UNC13B: variants seen among roughly 807,000 people sequenced by gnomAD.
The protein encoded by UNC13B is unc-13 homolog B.
In UNC13B, 144 loss-of-function variants were observed where a neutral mutation model predicts 211.0. That is an observed-to-expected ratio of 0.68 (90% CI 0.60 to 0.78). The LOEUF (loss-of-function observed/expected upper bound fraction) is 0.78. Ranked by LOEUF, UNC13B falls within the 30% of genes least tolerant of loss-of-function variation. UNC13B has a pLI of 0.00. For synonymous variants in UNC13B, 709 were observed against 725.8 expected (o/e 0.98, Z 0.37); for missense variants, 1,777 against 2,002.0 (o/e 0.89, Z 2.14).
chr9:35,348,412 ACTC>A (rs1263702082), intron 11 of UNC13B, among the ~76,000 whole-genome samples: 2 of 152,138 alleles, frequency 1.3e-5, no homozygotes, highest in Admixed American at 6.5e-5. Context: ...TGAATGATTT[ACTC>A]CTCCTTCTCC....
At chr9:35,207,697 A>T (rs1188696983) in intron 1 of UNC13B, among the ~76,000 whole-genome samples, 2 of 152,024 alleles carry the variant, frequency 1.3e-5, no homozygotes, top group Non-Finnish European at 2.9e-5. Flanking sequence ...CCCATTTAAA[A>T]ATTGGATTAT....
In UNC13B at chr9:35,398,677, A is replaced by C. The variant is rs772620884; in HGVS notation, c.11921+35A>C. On this transcript the variant is annotated intron_variant, in intron 32 of 39. Coordinates refer to ENST00000635942, the MANE Select transcript of UNC13B (RefSeq NM_001371189.2). ...CCCACAATACAAGGCCCTCAGAGCC[A>C]GATGTGGTCCCTAGCCAATCCCAGA... The C allele has an allele frequency of 2.2e-5, 36 of 1,609,966 alleles. No individual in the cohort carries two copies. In the Admixed American group the frequency reaches 3.5e-4, roughly 16 times the overall value.
At chr9:35,277,880 T>C (rs909759768) in intron 7 of UNC13B, among the ~76,000 whole-genome samples, 2 of 151,622 alleles carry the variant, frequency 1.3e-5, no homozygotes, top group African/African-American at 4.9e-5. Flanking sequence ...CCTCAATGGG[T>C]ACACAGTAAT....
chr9:35,225,567 T>C (rs1463496850), intron 1 of UNC13B, among the ~76,000 whole-genome samples: 2 of 152,144 alleles, frequency 1.3e-5, no homozygotes, highest in East Asian at 3.9e-4. Context: ...TAGATGTATC[T>C]ATATTGTTGC....
Position 35,305,336 on chromosome 9 carries a change from G to A in UNC13B, c.5932G>A (p.Val1978Ile). The A allele has an allele frequency of 5.0e-6, 2 of 398,900 alleles. No individual in the cohort carries two copies. The highest frequency in any genetic ancestry group is 8.9e-6 in the Non-Finnish European group (2 of 225,982). 24.7% of individuals were successfully genotyped at this position (398,900 alleles called of 1,614,324 possible). Reference protein sequence around the residue: ...PPQEKKESSGVSNFWGTLGDF... With the variant: ...PPQEKKESSGISNFWGTLGDF... Reference sequence around the variant, plus strand: ...TCAAGAAAAGAAAGAATCTTCTGGTGTTTCAAATTTTTGGGGTACCCTTGG... The same window carrying A: ...TCAAGAAAAGAAAGAATCTTCTGGTATTTCAAATTTTTGGGGTACCCTTGG... The change falls in exon 9 of 40, where the codon GTT (valine) becomes ATT (isoleucine). Residue 1978 changes from valine (V) to isoleucine (I), a missense_variant. Transcript: ENST00000635942.
chr9:35,337,088 A>G (rs1831705549), intron 11 of UNC13B, among the ~76,000 whole-genome samples: 1 of 151,426 alleles, frequency 6.6e-6, no homozygotes, highest in South Asian at 2.1e-4. Context: ...GTAAAGAACT[A>G]GGACTTTTTT....
chr9:35,357,770 A>C (rs1833128063), intron 11 of UNC13B, among the ~76,000 whole-genome samples: 1 of 152,130 alleles, frequency 6.6e-6, no homozygotes, highest in Non-Finnish European at 1.5e-5. Flanking sequence ...ACATAACATA[A>C]AATGTGTTAT....
chr9:35,165,411 T>C (rs1033379862), intron 1 of UNC13B, among the ~76,000 whole-genome samples: 1 of 80,676 alleles, frequency 1.2e-5, no homozygotes, highest in Non-Finnish European at 2.6e-5. Flanking sequence ...TTGACTTGAA[T>C]TTTTTTTTTT....
intron 11 of UNC13B, chr9:35,352,700 G>A (rs577462372): frequency 5.7e-6 from 7 of 1,232,010 alleles, no homozygotes; most frequent in Non-Finnish European, 7.1e-6. Context: ...GCCCAAGCTA[G>A]GGGATGAAAT....
chr9:35,177,980 A>T (rs909726984), intron 1 of UNC13B, among the ~76,000 whole-genome samples: 4 of 152,180 alleles, frequency 2.6e-5, no homozygotes, highest in African/African-American at 9.7e-5. Context: ...TGGGGAGATG[A>T]TTTGGGTGTT....
intron 11 of UNC13B, among the ~76,000 whole-genome samples, chr9:35,343,133 T>C (rs1832119243): frequency 6.6e-6 from 1 of 152,260 alleles, no homozygotes; most frequent in Non-Finnish European, 1.5e-5. Context: ...ATCCTAGCTA[T>C]ACTCAGTGAC....
chr9:35,285,215 T>G (rs1036028223), intron 7 of UNC13B, among the ~76,000 whole-genome samples: 1 of 152,184 alleles, frequency 6.6e-6, no homozygotes, highest in Non-Finnish European at 1.5e-5. Context: ...GGCTGCCTTC[T>G]TCCTCCATTA....
chr9:35,350,964 C>A (rs747896753), intron 11 of UNC13B, among the ~76,000 whole-genome samples: 8 of 152,214 alleles, frequency 5.3e-5, no homozygotes, highest in Non-Finnish European at 1.0e-4. Flanking sequence ...AGCCAGACTC[C>A]TAGTACTGAA....
At chr9:35,166,996 A>G (rs1247986343) in intron 1 of UNC13B, among the ~76,000 whole-genome samples, 1 of 152,204 alleles carries the variant, frequency 6.6e-6, no homozygotes, top group East Asian at 1.9e-4. Context: ...ACGGCTTTGA[A>G]TGTGGCCCAA....
At position 35,295,901 on chromosome 9, in the gene UNC13B, C is replaced by T; in HGVS notation, c.732C>T (p.Asp244=). 1 of 1,613,418 alleles carries T rather than the reference C, an allele frequency of 6.2e-7. No homozygotes were observed. The highest frequency in any genetic ancestry group is 8.5e-7 in the Non-Finnish European group (1 of 1,179,708). ...GTAATGACTCTATGCAAAGTTATGA[C>T]CTTGATTATCCAGAGCGGCGGGCTA... ...DSCNDSMQSY[D]LDYPERRAIR... is the part of the protein sequence containing the mutation. Residue 244 remains aspartate, a synonymous_variant, in exon 8 of 40, where the codon GAC becomes GAT. Coordinates refer to ENST00000635942, the MANE Select transcript of UNC13B (RefSeq NM_001371189.2).
At chr9:35,268,000 C>G (rs1827668216) in intron 7 of UNC13B, among the ~76,000 whole-genome samples, 1 of 152,154 alleles carries the variant, frequency 6.6e-6, no homozygotes, top group Non-Finnish European at 1.5e-5. Context: ...ATTCTCTTCT[C>G]TGTCTCCCAG....
intron 1 of UNC13B, among the ~76,000 whole-genome samples, chr9:35,184,072 G>A (rs1463719701): frequency 4.7e-5 from 7 of 147,582 alleles, no homozygotes; most frequent in Admixed American, 1.4e-4. Flanking sequence ...CATCCCAGAC[G>A]ATGGGCGGCC....
chr9:35,257,887 A>G (rs1827027461), intron 6 of UNC13B, among the ~76,000 whole-genome samples: 1 of 152,118 alleles, frequency 6.6e-6, no homozygotes, highest in South Asian at 2.1e-4. Context: ...ATAATTATTT[A>G]CCCTCATGTT....
chr9:35,275,728 G>T, intron 7 of UNC13B, among the ~76,000 whole-genome samples: 1 of 151,988 alleles, frequency 6.6e-6, no homozygotes, highest in Non-Finnish European at 1.5e-5. Context: ...GAGTAGCTGG[G>T]ATTACAGGCG....
Sources: allele counts gnomAD v4.1 joint callset (sites outside exome capture counted in the v4.1 genomes callset), GRCh38; gene constraint gnomAD v4.1.1; transcripts MANE v1.5; gene names NCBI Gene and HGNC (gene_info 2026-07-23, HGNC 2026-07-21).